RYK: variants seen among roughly 807,000 people sequenced by gnomAD.
The protein encoded by RYK is receptor like tyrosine kinase.
A neutral mutation model predicts 70.2 loss-of-function variants in RYK; 21 were observed. That is an observed-to-expected ratio of 0.30 (90% CI 0.21 to 0.43). The LOEUF (loss-of-function observed/expected upper bound fraction) is 0.43, where lower values mean the gene tolerates loss of function less well. Among genes scored for constraint, RYK ranks in the 20% least tolerant of loss-of-function variants. The pLI, the probability that RYK is intolerant of heterozygous loss-of-function variation, is 1.00. For synonymous variants in RYK, 267 were observed against 278.0 expected (o/e 0.96, Z 0.39); for missense variants, 604 against 753.3 (o/e 0.80, Z 2.32).
chr3:134,231,765 G>A (rs1047877490), intron 1 of RYK, among the ~76,000 whole-genome samples: 1 of 152,144 alleles, frequency 6.6e-6, no homozygotes, highest in African/African-American at 2.4e-5. Flanking sequence ...TCAGATGACT[G>A]CTTGAGCACC....
At chr3:134,188,731 A>G in intron 9 of RYK, 106 bp downstream of exon 9, 1 of 669,122 alleles carries the variant, frequency 1.5e-6, no homozygotes, top group South Asian at 1.9e-5. Context: ...ACACTGACTG[A>G]TTTAAAAGGT....
At chr3:134,218,286 C>A (rs772800490) in intron 2 of RYK, among the ~76,000 whole-genome samples, 3 of 152,190 alleles carry the variant, frequency 2.0e-5, no homozygotes, top group Non-Finnish European at 4.4e-5. Flanking sequence ...TTGAGCTGGG[C>A]CCTGTGGCTT....
intron 13 of RYK, among the ~76,000 whole-genome samples, chr3:134,169,306 A>G (rs564727943): frequency 6.6e-6 from 1 of 152,364 alleles, no homozygotes; most frequent in African/African-American, 2.4e-5. Context: ...AATAGAAAGT[A>G]GTTCTTAAGA....
At position 134,181,674 on chromosome 3, in the gene RYK, C is replaced by T. The variant is rs145541240; in HGVS notation, c.1172+1328G>A. On this transcript the variant is annotated intron_variant, in intron 10 of 14. Transcript: ENST00000623711. Reference sequence around the variant, plus strand: ...AAACATCTTCCAACAGAGATAACCACAGTTCTTTTTTTAAACATATGTGAT... The same window carrying T: ...AAACATCTTCCAACAGAGATAACCATAGTTCTTTTTTTAAACATATGTGAT... 4 of 152,220 alleles carry T rather than the reference C, an allele frequency of 2.6e-5. No individual in the cohort carries two copies. The East Asian group carries it at 7.7e-4, about 29-fold the overall frequency. 9.4% of individuals were successfully genotyped at this position (152,220 alleles called of 1,614,324 possible). A position where few individuals can be genotyped will look rare whatever the true frequency, so the allele number is the denominator to read the frequency against.
Position 134,235,418 on chromosome 3 carries a change from A to G in RYK, c.233-12879T>C, listed in dbSNP as rs373033103. Reference sequence around the variant, plus strand: ...ATCTTTTCTTGTATATTTTCCAAATAGTCTATAAATGAGTATATTTTACCC... The same window carrying G: ...ATCTTTTCTTGTATATTTTCCAAATGGTCTATAAATGAGTATATTTTACCC... On this transcript the variant is annotated intron_variant, in intron 1 of 14. Transcript: ENST00000623711. 2.0e-5 allele frequency among the ~76,000 whole-genome samples: 3 copies of G among 152,134 alleles called. No individual in the cohort carries two copies. The East Asian group carries it at 5.8e-4, about 29-fold the overall frequency.
rs1400365582 is a variant in RYK at position 134,250,687 on chromosome 3, G to C, written c.-33C>G. ...GCCGCCGCCGCCGAAGAGGAGCGTCGGCCGCCCGCCGCACCGCCGCCCACC... is the reference window on the plus strand; with the variant it reads ...GCCGCCGCCGCCGAAGAGGAGCGTCCGCCGCCCGCCGCACCGCCGCCCACC... On this transcript the variant is annotated 5_prime_UTR_variant, in exon 1 of 15. Coordinates refer to ENST00000623711, the MANE Select transcript of RYK (RefSeq NM_002958.4). The C allele has an allele frequency of 5.1e-5, 49 of 970,028 alleles. No individual in the cohort carries two copies. In the African/African-American group the frequency reaches 8.4e-4, roughly 17 times the overall value. 60.1% of individuals were successfully genotyped at this position (970,028 alleles called of 1,614,324 possible).
At chr3:134,168,497 C>A (rs2012770805) in intron 13 of RYK, among the ~76,000 whole-genome samples, 1 of 152,132 alleles carries the variant, frequency 6.6e-6, no homozygotes. Context: ...TAGAAACCAT[C>A]ATTCTCAGCA....
chr3:134,196,231 G>A (rs1310961064), intron 6 of RYK, among the ~76,000 whole-genome samples: 1 of 152,148 alleles, frequency 6.6e-6, no homozygotes, highest in Non-Finnish European at 1.5e-5. Context: ...CGGTCTCACT[G>A]CCTTAGTTCT....
intron 9 of RYK, among the ~76,000 whole-genome samples, chr3:134,187,394 T>C (rs1045577304): frequency 6.6e-6 from 1 of 152,192 alleles, no homozygotes; most frequent in African/African-American, 2.4e-5. Flanking sequence ...GAATTTAATC[T>C]TCCCTTCAGT....
chr3:134,235,716 A>C (rs1444950358), intron 1 of RYK, among the ~76,000 whole-genome samples: 1 of 152,212 alleles, frequency 6.6e-6, no homozygotes, highest in African/African-American at 2.4e-5. Context: ...AAGCAGGGAC[A>C]GTGGACAGCA....
At chr3:134,240,459 T>C (rs2015295227) in intron 1 of RYK, among the ~76,000 whole-genome samples, 1 of 152,202 alleles carries the variant, frequency 6.6e-6, no homozygotes, top group Admixed American at 6.5e-5. Flanking sequence ...GGAGTATTTA[T>C]AAATACAAAT....
At chr3:134,179,563 G>GC (rs1252203366) in intron 10 of RYK, 3 of 152,216 alleles carry the variant, frequency 2.0e-5, no homozygotes, top group Non-Finnish European at 1.5e-5. Flanking sequence ...AGGACAAAGA[G>GC]CAAGTACACG....
intron 8 of RYK, among the ~76,000 whole-genome samples, chr3:134,189,538 G>A (rs1052306934): frequency 3.3e-5 from 5 of 151,846 alleles, no homozygotes; most frequent in Admixed American, 2.0e-4. Context: ...AGGCAGGCGG[G>A]TCATGAGGTC....
intron 4 of RYK, among the ~76,000 whole-genome samples, chr3:134,208,439 T>G (rs1319603735): frequency 6.6e-6 from 1 of 152,188 alleles, no homozygotes; most frequent in East Asian, 1.9e-4. Context: ...TACATTGGAG[T>G]AGAGAGTCTC....
chr3:134,158,163 GC>G lies in RYK; in HGVS notation c.1813del (p.Ala605ProfsTer66). On this transcript the variant is annotated frameshift_variant, in exon 15 of 15. Transcript: ENST00000623711. LOFTEE classifies it high-confidence loss of function. Reference sequence around the variant, plus strand: ...GGGATTGGAGAGGAGTCAGACGTAGGCCCCCAGGGCTGCATGAAACTCTGTT... The same window carrying G: ...GGGATTGGAGAGGAGTCAGACGTAGGCCCCAGGGCTGCATGAAACTCTGTT... ...CLTEFHAALG[A>X]YV 1.3e-6 allele frequency: 2 copies of G among 1,499,368 alleles called. No homozygotes were observed. Among genetic ancestry groups the G allele is most frequent in the South Asian group, 1.4e-5 (1 of 70,724 alleles). The allele number at this position is 1,499,368 out of a possible 1,614,324, so 92.9% of individuals were successfully genotyped here.
intron 1 of RYK, among the ~76,000 whole-genome samples, chr3:134,235,230 A>C (rs529124735): frequency 6.6e-6 from 1 of 152,266 alleles, no homozygotes; most frequent in Admixed American, 6.5e-5. Context: ...CAACTACATA[A>C]AGAAAAAACA....
chr3:134,163,188 CAGTTTCATTTCCT>C (rs935407871), intron 13 of RYK, among the ~76,000 whole-genome samples: 15 of 152,258 alleles, frequency 9.9e-5, no homozygotes, highest in Admixed American at 9.1e-4. Context: ...GGGAACAATG[CAGTTTCATTTCCT>C]TAAAAACTAA....
At chr3:134,234,927 T>C (rs1035799279) in intron 1 of RYK, among the ~76,000 whole-genome samples, 1 of 152,154 alleles carries the variant, frequency 6.6e-6, no homozygotes, top group South Asian at 2.1e-4. Context: ...CTATGACTGA[T>C]ATTAGCATAT....
chr3:134,246,547 A>C (rs2093622487), intron 1 of RYK, among the ~76,000 whole-genome samples: 2 of 152,104 alleles, frequency 1.3e-5, no homozygotes, highest in Admixed American at 1.3e-4. Flanking sequence ...GCTTCAAAAA[A>C]ACAGAAAAAA....
Sources: gnomAD v4.1 joint callset for allele counts (sites outside exome capture counted in the v4.1 genomes callset) on GRCh38, gnomAD v4.1.1 for gene constraint, MANE v1.5 for transcripts, NCBI Gene and HGNC (gene_info 2026-07-23, HGNC 2026-07-21) for gene names.